Variants in MYO10 observed in about 807,000 individuals in gnomAD.
MYO10 encodes the protein unconventional myosin-X.
MYO10 carries 133 observed loss-of-function variants against 257.3 expected under a neutral mutation model. That is an observed-to-expected ratio of 0.52 (90% CI 0.45 to 0.60). The LOEUF (loss-of-function observed/expected upper bound fraction) is 0.60, where lower values mean the gene tolerates loss of function less well. Ranked by LOEUF, MYO10 falls within the 20% of genes least tolerant of loss-of-function variation. The pLI, the probability that MYO10 is intolerant of heterozygous loss-of-function variation, is 0.00. For synonymous variants in MYO10, 1,104 were observed against 1,028.6 expected, an observed-to-expected ratio of 1.07 and a Z score of -1.40; for missense variants, 2,399 against 2,635.7, an observed-to-expected ratio of 0.91 and a Z score of 1.97.
At chr5:16,894,143 C>T (rs73064936) in intron 1 of MYO10, among the ~76,000 whole-genome samples, 5,364 of 152,292 alleles carry the variant, frequency 0.035, 139 homozygotes, top group African/African-American at 0.066. Context: ...GGAACCGACA[C>T]TGGCACCTTA....
chr5:16,711,201 C>T lies in MYO10; in HGVS notation c.1974G>A (p.Arg658=), dbSNP rs1359792341. The T allele has an allele frequency of 1.2e-6, 2 of 1,613,230 alleles. No homozygotes were observed. Among genetic ancestry groups the T allele is most frequent in the Admixed American group, 1.7e-5 (1 of 59,926 alleles). ...FDQAVVLNQL[R]YSGMLETVRI... ...TCACAGTCTCCAGCATCCCTGAGTA[C>T]CGCAGCTGGTTCAGCACAACCGCCT... Residue 658 remains arginine (R), a synonymous_variant, in exon 20 of 41, where the codon CGG becomes CGA. Coordinates refer to ENST00000513610, the MANE Select transcript of MYO10 (RefSeq NM_012334.3).
intron 1 of MYO10, among the ~76,000 whole-genome samples, chr5:16,905,793 G>A (rs1745503540): frequency 6.6e-6 from 1 of 152,164 alleles, no homozygotes; most frequent in East Asian, 1.9e-4. Context: ...GCAAAGATCA[G>A]GAGTGGGTGG....
intron 2 of MYO10, among the ~76,000 whole-genome samples, chr5:16,843,684 A>C (rs1743550106): frequency 6.6e-6 from 1 of 152,238 alleles, no homozygotes; most frequent in South Asian, 2.1e-4. Context: ...AAAATGAAAC[A>C]GTATTTTTAA....
At chr5:16,738,505 T>G (rs1043796767) in intron 19 of MYO10, 19 of 636,312 alleles carry the variant, frequency 3.0e-5, no homozygotes, top group Admixed American at 6.3e-5. Context: ...CTATTCGCCC[T>G]CACTTCTCCC....
chr5:16,800,086 T>G (rs983585290), intron 3 of MYO10, among the ~76,000 whole-genome samples: 1 of 152,326 alleles, frequency 6.6e-6, no homozygotes, highest in Admixed American at 6.5e-5. Context: ...GGTTTAGTTA[T>G]AGAAGATGTT....
rs773871899 is a variant in MYO10, at chr5:16,779,668, T to C, written c.827-20A>G. 9 of 1,419,080 alleles carry C rather than the reference T, an allele frequency of 6.3e-6. No homozygotes were observed. In the South Asian group the frequency reaches 1.1e-4, roughly 17 times the overall value. The allele number at this position is 1,419,080 out of a possible 1,614,324, so 87.9% of individuals were successfully genotyped here. A position where few individuals can be genotyped will look rare whatever the true frequency, so the allele number is the denominator to read the frequency against. On this transcript the variant is annotated intron_variant, in intron 8 of 40. Transcript: ENST00000513610. ...ATTCTTCTACAGAAAGACAAAAACA[T>C]GATGTCACAGTTCTCCAGGACAAGA...
intron 19 of MYO10, among the ~76,000 whole-genome samples, chr5:16,745,933 C>A (rs7730837): frequency 0.26 from 39,667 of 151,976 alleles, 9,111 homozygotes; most frequent in African/African-American, 0.62. Context: ...AAGAGGTCCC[C>A]GTCCAGACCC....
chr5:16,708,142 T>C (rs567902546), intron 21 of MYO10, among the ~76,000 whole-genome samples: 76 of 152,316 alleles, frequency 5.0e-4, no homozygotes, highest in African/African-American at 1.8e-3. Context: ...TGTGGAAAAA[T>C]AAACTTCCAT....
At chr5:16,746,401 T>C (rs892647700) in intron 19 of MYO10, among the ~76,000 whole-genome samples, 1 of 152,214 alleles carries the variant, frequency 6.6e-6, no homozygotes, top group African/African-American at 2.4e-5. Context: ...CTAGTAGGTT[T>C]CAGCCTCATT....
chr5:16,879,636 C>T (rs953704729), intron 1 of MYO10, among the ~76,000 whole-genome samples: 1 of 152,166 alleles, frequency 6.6e-6, no homozygotes, highest in Non-Finnish European at 1.5e-5. Flanking sequence ...ATTCCTAACC[C>T]CATGCTCTTC....
intron 19 of MYO10, among the ~76,000 whole-genome samples, chr5:16,743,671 G>C (rs1232026659): frequency 6.6e-6 from 1 of 151,826 alleles, no homozygotes; most frequent in Non-Finnish European, 1.5e-5. Flanking sequence ...CATTCTCAAT[G>C]CTTCACCCTT....
intron 17 of MYO10, among the ~76,000 whole-genome samples, chr5:16,758,553 AG>A (rs1276479547): frequency 6.6e-6 from 1 of 152,128 alleles, no homozygotes; most frequent in Non-Finnish European, 1.5e-5. Flanking sequence ...CACTTGCAAA[AG>A]TGAGTTATTA....
intron 10 of MYO10, among the ~76,000 whole-genome samples, chr5:16,766,666 C>T (rs1010585048): frequency 2.6e-5 from 4 of 152,046 alleles, no homozygotes; most frequent in Non-Finnish European, 4.4e-5. Flanking sequence ...TGTTGACCTC[C>T]ACGTTGGCCA....
chr5:16,793,957 A>C (rs1404490879), intron 4 of MYO10, among the ~76,000 whole-genome samples: 1 of 151,778 alleles, frequency 6.6e-6, no homozygotes. Context: ...AAATTCTACT[A>C]CTTTTTTAGA....
At chr5:16,691,363 G>A (rs1177616441) in intron 27 of MYO10, among the ~76,000 whole-genome samples, 1 of 151,416 alleles carries the variant, frequency 6.6e-6, no homozygotes, top group East Asian at 1.9e-4. Flanking sequence ...AGTATTATCT[G>A]ACCTCATAGC....
chr5:16,668,402 TGTAGAC>T lies in MYO10; in HGVS notation c.5944_5949del (p.Val1982_Tyr1983del), dbSNP rs1475474744. 1.8e-5 allele frequency: 29 copies of T among 1,613,806 alleles called. No homozygotes were observed. The highest frequency in any genetic ancestry group is 2.5e-5 in the Non-Finnish European group (29 of 1,179,870). On this transcript the variant is annotated inframe_deletion, in exon 40 of 41. Coordinates refer to ENST00000513610, the MANE Select transcript of MYO10 (RefSeq NM_012334.3). Reference sequence around the variant, plus strand: ...TCCAGTGGTCTTCCCTCTCCACGCTTGTAGACGGAGACGGCGTCCGCGCTGACACCC... The same window carrying T: ...TCCAGTGGTCTTCCCTCTCCACGCTTGGAGACGGCGTCCGCGCTGACACCC...
At chr5:16,699,092 GAAGA>G (rs2126543257) in intron 26 of MYO10, among the ~76,000 whole-genome samples, 1 of 152,232 alleles carries the variant, frequency 6.6e-6, no homozygotes, top group South Asian at 2.1e-4. Flanking sequence ...ATAGAAGGAT[GAAGA>G]AAGAGCTAAG....
intron 21 of MYO10, among the ~76,000 whole-genome samples, chr5:16,707,660 G>A (rs1738406817): frequency 6.6e-6 from 1 of 152,174 alleles, no homozygotes; most frequent in Non-Finnish European, 1.5e-5. Context: ...CCTTGAGGCA[G>A]TGGGAAAAGC....
chr5:16,885,654 A>G (rs1259805294), intron 1 of MYO10, among the ~76,000 whole-genome samples: 1 of 146,678 alleles, frequency 6.8e-6, no homozygotes, highest in Non-Finnish European at 1.5e-5. Context: ...CCCAGGCAAC[A>G]GGGCAAGACT....
Sources: gnomAD v4.1 joint callset for allele counts (sites outside exome capture counted in the v4.1 genomes callset) on GRCh38, gnomAD v4.1.1 for gene constraint, MANE v1.5 for transcripts, NCBI Gene and HGNC (gene_info 2026-07-23, HGNC 2026-07-21) for gene names.